Variants in HDAC7 observed in about 807,000 individuals in gnomAD.
HDAC7 encodes histone deacetylase 7A.
HDAC7 carries 26 observed loss-of-function variants against 115.5 expected under a neutral mutation model. That is an observed-to-expected ratio of 0.23 (90% CI 0.16 to 0.31). The LOEUF is 0.31. Among genes scored for constraint, HDAC7 ranks in the 10% least tolerant of loss-of-function variants. The pLI, the probability that HDAC7 is intolerant of heterozygous loss-of-function variation, is 1.00. For synonymous variants in HDAC7, 564 were observed against 550.9 expected (o/e 1.02, Z -0.33); for missense variants, 1,068 against 1,329.0 (o/e 0.80, Z 3.05).
At chr12:47,784,524 T>C in intron 24 of HDAC7, 1 of 614,348 alleles carries the variant, frequency 1.6e-6, no homozygotes, top group South Asian at 2.0e-5. Flanking sequence ...GCGGGGCTCC[T>C]GAGAGCATCA....
In HDAC7 at chr12:47,797,222, C is replaced by CT; in HGVS notation, c.578-81dup. 6.4e-7 allele frequency: 1 copy of CT among 1,563,290 alleles called. No homozygotes were observed. The highest frequency in any genetic ancestry group is 8.7e-7 in the Non-Finnish European group (1 of 1,151,958). ...TTTAACCCCTCAGTCCCAGTCATCT[C>CT]TATCGGTCAAGGAAAGAGAAGGCAG... On this transcript the variant is annotated intron_variant, in intron 6 of 25. Coordinates refer to ENST00000080059, the MANE Select transcript of HDAC7 (RefSeq NM_015401.5). The surrounding 1 kb of genome is among the most constrained non-coding windows in gnomAD (Gnocchi z 5.5).
chr12:47,796,056 C>CGG, intron 8 of HDAC7, 40 bp from the exon 9 acceptor site: 4 of 1,541,872 alleles, frequency 2.6e-6, no homozygotes, highest in Non-Finnish European at 3.5e-6. Flanking sequence ...GGTCCCAGAC[C>CGG]TCTACCCCGG....
In HDAC7 at chr12:47,803,862, AG is replaced by A. The variant is rs1233005581; in HGVS notation, c.20-1589del. Among the ~76,000 whole-genome samples, 1 of 152,264 alleles carries A rather than the reference AG, an allele frequency of 6.6e-6. No homozygotes were observed. The highest frequency in any genetic ancestry group is 2.1e-4 in the South Asian group (1 of 4,822). ...GTAACCCCCAATCCCAGGCCTTCTT[AG>A]TACCTCTTCTTTCTTCTGCAGGACC... On this transcript the variant is annotated intron_variant, in intron 1 of 25. Transcript: ENST00000080059. This position sits in a 1 kb window ranked among gnomAD's most constrained non-coding sequence, Gnocchi z 4.0.
In HDAC7 at chr12:47,794,899, C is replaced by T. The variant is rs746664956; in HGVS notation, c.1319G>A (p.Arg440Gln). ...CAGGTCTTCAGCCGAGGGTATCTGCCGCAGCCGGGGCTTCTCACTCGGCTT... is the reference window on the plus strand; with the variant it reads ...CAGGTCTTCAGCCGAGGGTATCTGCTGCAGCCGGGGCTTCTCACTCGGCTT... Reference protein sequence around the residue: ...SAKPSEKPRLRQIPSAEDLET... With the variant: ...SAKPSEKPRLQQIPSAEDLET... The change falls in exon 12 of 26, where the codon CGG (arginine) becomes CAG (glutamine). Residue 440 changes from arginine to glutamine, a missense_variant. Coordinates refer to ENST00000080059, the MANE Select transcript of HDAC7 (RefSeq NM_015401.5). The T allele has an allele frequency of 6.5e-5, 105 of 1,613,154 alleles. No homozygotes were observed. The highest frequency in any genetic ancestry group is 4.3e-5 in the Non-Finnish European group (51 of 1,179,942).
chr12:47,820,779 C>G (rs1157704682), upstream of HDAC7, among the ~76,000 whole-genome samples: 1 of 151,664 alleles, frequency 6.6e-6, no homozygotes, highest in African/African-American at 2.4e-5. This position sits in a 1 kb window ranked among gnomAD's most constrained non-coding sequence, Gnocchi z 4.3. Flanking sequence ...TGCCCAGTGT[C>G]CCCCAGTGCA....
intron 1 of HDAC7, among the ~76,000 whole-genome samples, chr12:47,805,515 T>C (rs573722913): frequency 1.2e-4 from 18 of 152,318 alleles, no homozygotes; most frequent in African/African-American, 4.1e-4. Flanking sequence ...TCTCTGGTTC[T>C]CCTTCCCTGA....
At chr12:47,788,331 G>T in intron 19 of HDAC7, 167 bp from the exon 20 acceptor site, 1 of 735,002 alleles carries the variant, frequency 1.4e-6, no homozygotes, top group Non-Finnish European at 2.1e-6. Context: ...GTAATCCACT[G>T]CCCGGCTCTG....
Position 47,785,450 on chromosome 12 carries a change from C to T in HDAC7, c.2728G>A (p.Gly910Ser). The change falls in exon 24 of 26, where the codon GGC becomes AGC. Residue 910 changes from glycine to serine, a missense_variant. Physicochemically the swap from Gly to Ser is moderately conservative, Grantham distance 56. Around this residue, in one of 6 missense-constraint regions of HDAC7, gnomAD observed 98 missense variants for 123.9 expected, o/e 0.79. Transcript: ENST00000080059. ...GNRVDPLSEE[G>S]WKQKPNLNAI... Reference sequence around the variant, plus strand: ...TTGAGGTTGGGTTTCTGTTTCCAGCCTTCTTCTGAAAGGGGATCCACCTAT... The same window carrying T: ...TTGAGGTTGGGTTTCTGTTTCCAGCTTTCTTCTGAAAGGGGATCCACCTAT... 6.2e-7 allele frequency: 1 copy of T among 1,613,052 alleles called. No individual in the cohort carries two copies. The highest frequency in any genetic ancestry group is 2.2e-5 in the East Asian group (1 of 44,866).
chr12:47,818,930 C>T (rs1389295239), intron 1 of HDAC7, among the ~76,000 whole-genome samples: 1 of 152,218 alleles, frequency 6.6e-6, no homozygotes, highest in Non-Finnish European at 1.5e-5. Flanking sequence ...AGGGCTCTCT[C>T]CTGGCCCACA....
intron 24 of HDAC7, chr12:47,784,913 A>T (rs756937932): frequency 6.9e-6 from 5 of 724,130 alleles, no homozygotes; most frequent in Non-Finnish European, 1.1e-5. Context: ...AGTATAGATT[A>T]TGGGTCTTGA....
In HDAC7 at chr12:47,793,273, T is replaced by C; in HGVS notation, c.1678+96A>G. 1.1e-6 allele frequency: 1 copy of C among 918,982 alleles called. No homozygotes were observed. The highest frequency in any genetic ancestry group is 1.6e-6 in the Non-Finnish European group (1 of 624,584). The allele number at this position is 918,982 out of a possible 1,614,324, so 56.9% of individuals were successfully genotyped here. A position where few individuals can be genotyped will look rare whatever the true frequency, so the allele number is the denominator to read the frequency against. ...GGGCCTAACAAGGCTAAGCACTCTGTGGCCTCTAAAAATGTCCCAAGTGAC... is the reference window on the plus strand; with the variant it reads ...GGGCCTAACAAGGCTAAGCACTCTGCGGCCTCTAAAAATGTCCCAAGTGAC... On this transcript the variant is annotated intron_variant, in intron 13 of 25. Transcript: ENST00000080059. This position sits in a 1 kb window ranked among gnomAD's most constrained non-coding sequence, Gnocchi z 4.5.
At position 47,798,339 on chromosome 12, in the gene HDAC7, G is replaced by T; in HGVS notation, c.350-120C>A. ...GGCGTCCCAGGGACTCCCTAGGCAA[G>T]AGCCAAGCCCGAGGCCCTACCCCTC... is the stretch of plus-strand genomic sequence containing the variant. On this transcript the variant is annotated intron_variant, in intron 4 of 25. Coordinates refer to ENST00000080059, the MANE Select transcript of HDAC7 (RefSeq NM_015401.5). The surrounding 1 kb of genome is among the most constrained non-coding windows in gnomAD (Gnocchi z 4.3). 1.1e-6 allele frequency: 1 copy of T among 906,352 alleles called. No individual in the cohort carries two copies. Among genetic ancestry groups the T allele is most frequent in the Non-Finnish European group, 1.8e-6 (1 of 564,348 alleles). 56.1% of individuals were successfully genotyped at this position (906,352 alleles called of 1,614,324 possible). A position where few individuals can be genotyped will look rare whatever the true frequency, so the allele number is the denominator to read the frequency against.
At position 47,795,566 on chromosome 12, in the gene HDAC7, C is replaced by A; in HGVS notation, c.1087+21G>T. On this transcript the variant is annotated intron_variant, in intron 10 of 25. Coordinates refer to ENST00000080059, the MANE Select transcript of HDAC7 (RefSeq NM_015401.5). This position sits in a 1 kb window ranked among gnomAD's most constrained non-coding sequence, Gnocchi z 4.3. ...AGGGTGCAGGGACCCAGCCCCTTCC[C>A]TGAAGAAGCAGCAGACTCACCAGTC... is the stretch of plus-strand genomic sequence containing the variant. 1 of 1,552,442 alleles carries A rather than the reference C, an allele frequency of 6.4e-7. No individual in the cohort carries two copies. Among genetic ancestry groups the A allele is most frequent in the East Asian group, 2.4e-5 (1 of 41,106 alleles).
chr12:47,816,036 C>T (rs1250439576), intron 1 of HDAC7, among the ~76,000 whole-genome samples: 5 of 151,954 alleles, frequency 3.3e-5, no homozygotes, highest in East Asian at 1.9e-4. Context: ...GGATTACAGG[C>T]GCGCACGCCA....
chr12:47,793,818 C>T lies in HDAC7; in HGVS notation c.1459-230G>A, dbSNP rs73107980. ...CTGACCACCCATTCCACCAGCTCCCCGGGCCCTTGGGGCTCCAAAGCCAGG... is the reference window on the plus strand; with the variant it reads ...CTGACCACCCATTCCACCAGCTCCCTGGGCCCTTGGGGCTCCAAAGCCAGG... On this transcript the variant is annotated intron_variant, in intron 12 of 25. Coordinates refer to ENST00000080059, the MANE Select transcript of HDAC7 (RefSeq NM_015401.5). This position sits in a 1 kb window ranked among gnomAD's most constrained non-coding sequence, Gnocchi z 4.5. 0.16 allele frequency among the ~76,000 whole-genome samples: 23,676 copies of T among 152,178 alleles called. 2,438 individuals are homozygous for T. Among genetic ancestry groups the T allele is most frequent in the Non-Finnish European group, 0.23 (15,613 of 67,990 alleles).
intron 21 of HDAC7, among the ~76,000 whole-genome samples, chr12:47,787,471 C>T (rs1403369193): frequency 6.6e-6 from 1 of 152,236 alleles, no homozygotes; most frequent in Non-Finnish European, 1.5e-5. Flanking sequence ...CTGCTCACTC[C>T]ACCACCCACC....
chr12:47,792,951 A>G, intron 13 of HDAC7: 1 of 289,334 alleles, frequency 3.5e-6, no homozygotes, highest in South Asian at 3.5e-5. Context: ...AGAATTTCAG[A>G]GGGTTTACTT....
rs372550591 is a variant in HDAC7 at position 47,795,187 on chromosome 12, G to C, written c.1281C>G (p.Ile427Met). Residue 427 changes from isoleucine to methionine, a missense_variant, in exon 11 of 26, where the codon ATC becomes ATG. Coordinates refer to ENST00000080059, the MANE Select transcript of HDAC7 (RefSeq NM_015401.5). This position sits in a 1 kb window ranked among gnomAD's most constrained non-coding sequence, Gnocchi z 4.3. Reference sequence around the variant, plus strand: ...TCCACTGCCCAATTCCTCTCACCTTGATCACCTGGACGTGAGTTTTGAGCT... The same window carrying C: ...TCCACTGCCCAATTCCTCTCACCTTCATCACCTGGACGTGAGTTTTGAGCT... ...LEQLKTHVQV[I>M]KRSAKPSEKP... 3.2e-5 allele frequency: 51 copies of C among 1,611,630 alleles called. No homozygotes were observed. Among genetic ancestry groups the C allele is most frequent in the African/African-American group, 4.0e-5 (3 of 74,862 alleles).
In HDAC7 at chr12:47,793,593, G is replaced by C. The variant is rs1565805000; in HGVS notation, c.1459-5C>G. 5.9e-6 allele frequency: 9 copies of C among 1,530,330 alleles called. No individual in the cohort carries two copies. Among genetic ancestry groups the C allele is most frequent in the Non-Finnish European group, 7.9e-6 (9 of 1,134,982 alleles). 94.8% of individuals were successfully genotyped at this position (1,530,330 alleles called of 1,614,324 possible). ...CTGCTGTTCCCAGAGCAACACCTAG[G>C]GGAAAGATGGGGCCTTGGTCTCCAG... On this transcript the variant is annotated splice_region_variant and splice_polypyrimidine_tract_variant and intron_variant, in intron 12 of 25. Transcript: ENST00000080059. The surrounding 1 kb of genome is among the most constrained non-coding windows in gnomAD (Gnocchi z 4.5).
Sources: gnomAD v4.1 joint callset for allele counts (sites outside exome capture counted in the v4.1 genomes callset) on GRCh38, gnomAD v4.1.1 for gene constraint, gnomAD v4.1.1 regional missense constraint, Gnocchi (gnomAD v3.1) non-coding constraint, MANE v1.5 for transcripts, NCBI Gene and HGNC (gene_info 2026-07-23, HGNC 2026-07-21) for gene names.